NR1H4: variants seen among roughly 807,000 people sequenced by gnomAD.
NR1H4 encodes the protein bile acid receptor.
Under a neutral mutation model 58.5 loss-of-function variants are expected in NR1H4, and 23 were observed. The observed-to-expected ratio is 0.39, with a 90% confidence interval of 0.28 to 0.56. The LOEUF (loss-of-function observed/expected upper bound fraction) is 0.56. Ranked by LOEUF, NR1H4 falls within the 20% of genes least tolerant of loss-of-function variation. The pLI is 0.58. For synonymous variants in NR1H4, 214 were observed against 198.0 expected (o/e 1.08, Z -0.68); for missense variants, 487 against 576.9 (o/e 0.84, Z 1.60).
intron 4 of NR1H4, among the ~76,000 whole-genome samples, chr12:100,528,525 T>C (rs1229434778): frequency 6.6e-6 from 1 of 152,220 alleles, no homozygotes; most frequent in African/African-American, 2.4e-5. Flanking sequence ...CCTGTCTACT[T>C]ATCCTGTATT....
chr12:100,546,697 A>AAAAC (rs538848970), intron 9 of NR1H4, among the ~76,000 whole-genome samples: 72 of 152,126 alleles, frequency 4.7e-4, no homozygotes, highest in Middle Eastern at 3.4e-3. Context: ...TCTGTCTCAA[A>AAAAC]AAACAAACAA....
At position 100,554,395 on chromosome 12, in the gene NR1H4, A is replaced by ACACACACG. The variant is rs1316384142; in HGVS notation, c.1079-7483_1079-7482insGCACACAC. ...TGTAATATGCATACTTGTAAATAAC[A>ACACACACG]CACACACACACACACACACACACAC... On this transcript the variant is annotated intron_variant, in intron 9 of 10. Transcript: ENST00000392986. Among the ~76,000 whole-genome samples the ACACACACG allele has an allele frequency of 1.2e-4, 13 of 111,950 alleles. No homozygotes were observed. In the East Asian group the frequency reaches 4.9e-3, roughly 42 times the overall value. The allele number at this position is 111,950 out of a possible 152,430, so 73.4% of individuals were successfully genotyped here.
intron 4 of NR1H4, among the ~76,000 whole-genome samples, chr12:100,512,622 C>T (rs909231263): frequency 1.3e-5 from 2 of 150,578 alleles, no homozygotes; most frequent in African/African-American, 5.0e-5. Flanking sequence ...GCCTGGGCAA[C>T]TGAGCGAGAC....
chr12:100,490,467 G>C (rs191910860), intron 1 of NR1H4, among the ~76,000 whole-genome samples: 13 of 152,184 alleles, frequency 8.5e-5, no homozygotes, highest in African/African-American at 2.9e-4. Context: ...GTATAAGCTT[G>C]GGTTGAATAT....
chr12:100,519,422 G>A (rs988303537), intron 4 of NR1H4, among the ~76,000 whole-genome samples: 1 of 152,030 alleles, frequency 6.6e-6, no homozygotes, highest in Non-Finnish European at 1.5e-5. Context: ...TCTGAGATCT[G>A]TTGGAGTGCT....
At chr12:100,520,449 G>C (rs1194170090) in intron 4 of NR1H4, among the ~76,000 whole-genome samples, 1 of 152,066 alleles carries the variant, frequency 6.6e-6, no homozygotes, top group Non-Finnish European at 1.5e-5. Context: ...GAACTGGCCC[G>C]CCGGTTGCTT....
At chr12:100,546,266 T>G (rs1216334298) in intron 9 of NR1H4, among the ~76,000 whole-genome samples, 1 of 152,168 alleles carries the variant, frequency 6.6e-6, no homozygotes, top group Non-Finnish European at 1.5e-5. Context: ...ATATTATCAA[T>G]TCTATGCCAG....
intron 9 of NR1H4, among the ~76,000 whole-genome samples, chr12:100,542,052 A>T (rs1268731915): frequency 6.6e-6 from 1 of 152,208 alleles, no homozygotes; most frequent in African/African-American, 2.4e-5. Flanking sequence ...CTGACTTCAG[A>T]AGCTTTGTGT....
Position 100,561,905 on chromosome 12 carries a change from A to T in NR1H4, c.1099A>T (p.Thr367Ser), listed in dbSNP as rs1955484144. ...CACAGGTATCTCTGATGAATATATA[A>T]CACCTATGTTTAGTTTTTATAAAAG... ...RNSGISDEYITPMFSFYKSIG... is the reference protein window; with the variant it reads ...RNSGISDEYISPMFSFYKSIG... The change falls in exon 10 of 11, where the codon ACA (threonine) becomes TCA (serine). Residue 367 changes from threonine (T) to serine (S), a missense_variant. Physicochemically the swap from Thr to Ser is moderately conservative, Grantham distance 58. Transcript: ENST00000392986. 1 of 1,445,740 alleles carries T rather than the reference A, an allele frequency of 6.9e-7. No homozygotes were observed. Among genetic ancestry groups the T allele is most frequent in the South Asian group, 1.1e-5 (1 of 87,698 alleles). The allele number at this position is 1,445,740 out of a possible 1,614,324, so 89.6% of individuals were successfully genotyped here. A position where few individuals can be genotyped will look rare whatever the true frequency, so the allele number is the denominator to read the frequency against.
At chr12:100,497,406 G>A (rs956106402) in intron 3 of NR1H4, among the ~76,000 whole-genome samples, 17 of 152,166 alleles carry the variant, frequency 1.1e-4, no homozygotes, top group African/African-American at 9.7e-5. Context: ...AGGTATGGCC[G>A]AGATCAGAGA....
At chr12:100,556,992 A>C (rs1955343809) in intron 9 of NR1H4, among the ~76,000 whole-genome samples, 1 of 151,932 alleles carries the variant, frequency 6.6e-6, no homozygotes, top group Non-Finnish European at 1.5e-5. Context: ...GTTAGAAGTA[A>C]TTTTTTTCCT....
chr12:100,543,410 C>T (rs1439541049), intron 9 of NR1H4, among the ~76,000 whole-genome samples: 2 of 152,024 alleles, frequency 1.3e-5, no homozygotes, highest in Non-Finnish European at 2.9e-5. Flanking sequence ...GAAGTCACCT[C>T]TTAGGAGGCA....
chr12:100,512,641 CA>C (rs35958048), intron 4 of NR1H4, among the ~76,000 whole-genome samples: 264 of 138,120 alleles, frequency 1.9e-3, no homozygotes, highest in Middle Eastern at 3.7e-3. Context: ...ACTCCGTCTC[CA>C]AAAAAAAAAA....
chr12:100,516,374 C>CT (rs952522485), intron 4 of NR1H4, among the ~76,000 whole-genome samples: 146 of 147,378 alleles, frequency 9.9e-4, no homozygotes, highest in Admixed American at 8.2e-4. Flanking sequence ...CATGCTAATT[C>CT]TTTTTTTTTT....
rs138824009 is a variant in NR1H4, at chr12:100,563,062, G to A, written c.1193-189G>A. Among the ~76,000 whole-genome samples, 555 of 152,284 alleles carry A rather than the reference G, an allele frequency of 3.6e-3. 3 individuals carry two copies. Among genetic ancestry groups the A allele is most frequent in the African/African-American group, 0.013 (522 of 41,562 alleles). ...GGGAGGCTTCTGGGAAGCATTACAT[G>A]TGTTGTATCTTGATCTCGTTATAAT... On this transcript the variant is annotated intron_variant, in intron 10 of 10. Coordinates refer to ENST00000392986, the MANE Select transcript of NR1H4 (RefSeq NM_001206979.2).
At chr12:100,517,726 A>C (rs1183738353) in intron 4 of NR1H4, among the ~76,000 whole-genome samples, 1 of 152,160 alleles carries the variant, frequency 6.6e-6, no homozygotes, top group Non-Finnish European at 1.5e-5. Flanking sequence ...TTCTAAATGG[A>C]GTGAGGTGAT....
intron 4 of NR1H4, among the ~76,000 whole-genome samples, chr12:100,528,768 C>A (rs1251222377): frequency 6.6e-6 from 1 of 152,150 alleles, no homozygotes; most frequent in Non-Finnish European, 1.5e-5. Context: ...ATAATGATTT[C>A]TTTTTCAGTT....
intron 9 of NR1H4, among the ~76,000 whole-genome samples, chr12:100,541,448 A>C (rs966192041): frequency 5.2e-4 from 79 of 151,586 alleles, no homozygotes; most frequent in African/African-American, 1.7e-3. Context: ...CACCCAGCTA[A>C]TTTTGGTATT....
chr12:100,550,570 T>G (rs1193564977), intron 9 of NR1H4, among the ~76,000 whole-genome samples: 1 of 152,096 alleles, frequency 6.6e-6, no homozygotes, highest in Non-Finnish European at 1.5e-5. Context: ...TTCACCATGT[T>G]GGCCAGGCTG....
Sources: allele counts gnomAD v4.1 joint callset (sites outside exome capture counted in the v4.1 genomes callset), GRCh38; gene constraint gnomAD v4.1.1; transcripts MANE v1.5; gene names NCBI Gene and HGNC (gene_info 2026-07-23, HGNC 2026-07-21).